Variants in ARID4B observed in about 807,000 individuals in gnomAD.
ARID4B encodes AT-rich interaction domain 4B.
In ARID4B, 26 loss-of-function variants were observed where a neutral mutation model predicts 147.5. That is an observed-to-expected ratio of 0.18 (90% confidence interval 0.13 to 0.24). ARID4B has a LOEUF of 0.24. Ranked by LOEUF, ARID4B falls within the 10% of genes least tolerant of loss-of-function variation. The pLI is 1.00. For missense variants in ARID4B, 1,179 were observed against 1,511.5 expected, an observed-to-expected ratio of 0.78 and a Z score of 3.65; for synonymous variants, 512 against 507.9, an observed-to-expected ratio of 1.01 and a Z score of -0.11.
chr1:235,267,517 A>G (rs1670678693), intron 2 of ARID4B, among the ~76,000 whole-genome samples: 1 of 152,324 alleles, frequency 6.6e-6, no homozygotes, highest in Non-Finnish European at 1.5e-5. Flanking sequence ...GAATATAAAA[A>G]AAATGAATAC....
chr1:235,190,241 A>G (rs1665001266), intron 19 of ARID4B: 1 of 152,306 alleles, frequency 6.6e-6, no homozygotes, highest in African/African-American at 2.4e-5. Context: ...TGAGGTCAGC[A>G]GTTCGAGACC....
chr1:235,184,231 TA>T (rs1396352485), intron 19 of ARID4B, among the ~76,000 whole-genome samples: 2 of 152,186 alleles, frequency 1.3e-5, no homozygotes, highest in Non-Finnish European at 1.5e-5. Flanking sequence ...TTCATTCTGG[TA>T]AATCATTTTA....
chr1:235,212,106 A>T (rs1666754310), intron 17 of ARID4B, among the ~76,000 whole-genome samples: 1 of 152,122 alleles, frequency 6.6e-6, no homozygotes. Flanking sequence ...TTAGCCAGGC[A>T]CAATGGTGGG....
intron 17 of ARID4B, among the ~76,000 whole-genome samples, chr1:235,207,839 ATTTG>A (rs1666421363): frequency 6.6e-6 from 1 of 152,162 alleles, no homozygotes; most frequent in Non-Finnish European, 1.5e-5. Flanking sequence ...AGAGGATTTA[ATTTG>A]TTTGGCGAAA....
At chr1:235,282,189 C>G (rs1309258884) in intron 2 of ARID4B, among the ~76,000 whole-genome samples, 1 of 152,214 alleles carries the variant, frequency 6.6e-6, no homozygotes, top group African/African-American at 2.4e-5. Context: ...ACTTGCTCAT[C>G]CCTTAGCCCT....
chr1:235,284,273 T>A (rs1671839553), intron 2 of ARID4B, among the ~76,000 whole-genome samples: 1 of 152,064 alleles, frequency 6.6e-6, no homozygotes, highest in South Asian at 2.1e-4. Flanking sequence ...GGCAGAAGAA[T>A]CGCTTGAACC....
intron 17 of ARID4B, among the ~76,000 whole-genome samples, chr1:235,201,855 A>G (rs6666459): frequency 0.48 from 72,596 of 151,600 alleles, 17,769 homozygotes; most frequent in South Asian, 0.6. Context: ...CTGCACTCCA[A>G]CCTGGGAAAC....
At chr1:235,280,321 C>G (rs1671586201) in intron 2 of ARID4B, among the ~76,000 whole-genome samples, 1 of 152,170 alleles carries the variant, frequency 6.6e-6, no homozygotes. Context: ...CAGTAAAGAA[C>G]AGGACACCTT....
At chr1:235,285,303 T>C (rs1362242707) in intron 2 of ARID4B, among the ~76,000 whole-genome samples, 1 of 152,182 alleles carries the variant, frequency 6.6e-6, no homozygotes, top group Non-Finnish European at 1.5e-5. Flanking sequence ...AAATGGAGGA[T>C]TGTTCTAAAA....
chr1:235,302,153 GAAAAA>G (rs749154889), intron 2 of ARID4B, among the ~76,000 whole-genome samples: 4 of 30,666 alleles, frequency 1.3e-4, no homozygotes, highest in Non-Finnish European at 2.2e-4. Context: ...TCAAAAAACG[GAAAAA>G]AAAAAAAAAA....
At chr1:235,252,986 CTT>C (rs1669736497) in intron 5 of ARID4B, among the ~76,000 whole-genome samples, 177 bp from the exon 6 acceptor site, 1 of 152,116 alleles carries the variant, frequency 6.6e-6, no homozygotes, top group Non-Finnish European at 1.5e-5. Context: ...ATTAAAGTAA[CTT>C]TTCCAATTTC....
intron 13 of ARID4B, among the ~76,000 whole-genome samples, chr1:235,222,636 G>T (rs1404826452): frequency 6.7e-6 from 1 of 149,886 alleles, no homozygotes; most frequent in East Asian, 1.9e-4. Context: ...ATGAAAGATT[G>T]ACCAATTTAA....
intron 2 of ARID4B, among the ~76,000 whole-genome samples, chr1:235,273,896 T>A (rs941475334): frequency 3.3e-5 from 5 of 152,224 alleles, no homozygotes; most frequent in Admixed American, 6.5e-5. Flanking sequence ...GAGATCAATG[T>A]TGCCTCATGA....
chr1:235,299,752 T>C (rs1348991785), intron 2 of ARID4B, among the ~76,000 whole-genome samples: 1 of 152,212 alleles, frequency 6.6e-6, no homozygotes, highest in African/African-American at 2.4e-5. Flanking sequence ...GGGGTTGGTC[T>C]ATGCCAGAGT....
chr1:235,169,129 G>A lies in ARID4B; in HGVS notation c.3812-477C>T, dbSNP rs192251545. On this transcript the variant is annotated intron_variant, in intron 23 of 23. Coordinates refer to ENST00000264183, the MANE Select transcript of ARID4B (RefSeq NM_016374.6). ...TGCTTCTTCAAGTTGGATCAAAACA[G>A]TGCATAGCTCAACTGTTGCATTCTC... Among the ~76,000 whole-genome samples, 9 of 152,252 alleles carry A rather than the reference G, an allele frequency of 5.9e-5. No homozygotes were observed. The South Asian group carries it at 1.9e-3, about 32-fold the overall frequency.
intron 12 of ARID4B, 122 bp from the exon 13 acceptor site, chr1:235,223,382 T>TACACGTATATATATATATATAC (rs1667613100): frequency 5.7e-4 from 123 of 214,028 alleles, no homozygotes; most frequent in South Asian, 7.0e-4. Context: ...TATATATATA[T>TACACGTATATATATATATATAC]ACACGTATAT....
chr1:235,322,236 C>T (rs1674893241), intron 2 of ARID4B, among the ~76,000 whole-genome samples: 1 of 151,878 alleles, frequency 6.6e-6, no homozygotes, highest in South Asian at 2.1e-4. Flanking sequence ...CCATGTTGGC[C>T]AGGCTGGTAT....
At chr1:235,193,911 TA>T (rs1665297440) in intron 19 of ARID4B, 101 bp downstream of exon 19, 1 of 816,676 alleles carries the variant, frequency 1.2e-6, no homozygotes, top group Admixed American at 2.6e-5. Context: ...AAAACTCTGG[TA>T]GAAAAAACAG....
At chr1:235,314,650 G>A (rs775751379) in intron 2 of ARID4B, among the ~76,000 whole-genome samples, 10 of 152,076 alleles carry the variant, frequency 6.6e-5, no homozygotes, top group Non-Finnish European at 1.0e-4. Context: ...TAAGTAGCAG[G>A]AAAAGAAAGG....
Sources: allele counts gnomAD v4.1 joint callset (sites outside exome capture counted in the v4.1 genomes callset), GRCh38; gene constraint gnomAD v4.1.1; transcripts MANE v1.5; gene names NCBI Gene and HGNC (gene_info 2026-07-23, HGNC 2026-07-21).